The following EXOC4 variants were observed in gnomAD, a reference collection of about 807,000 sequenced individuals.
The protein encoded by EXOC4 is SEC8-like 1.
EXOC4 carries 71 observed loss-of-function variants against 107.2 expected under a neutral mutation model. The observed-to-expected ratio is 0.66, with a 90% CI of 0.55 to 0.81. The LOEUF is 0.81. EXOC4 is among the 30% of genes least tolerant of loss of function. The pLI, the probability that EXOC4 is intolerant of heterozygous loss-of-function variation, is 0.00. For synonymous variants in EXOC4, 456 were observed against 441.2 expected, an observed-to-expected ratio of 1.03 and a Z score of -0.42; for missense variants, 1,108 against 1,189.6, an observed-to-expected ratio of 0.93 and a Z score of 1.01.
intron 17 of EXOC4, among the ~76,000 whole-genome samples, chr7:134,046,681 T>C (rs1563103541): frequency 6.6e-6 from 1 of 152,092 alleles, no homozygotes; most frequent in Admixed American, 6.5e-5. Flanking sequence ...TCGTTAATGT[T>C]GGTTCCCAGG....
intron 10 of EXOC4, among the ~76,000 whole-genome samples, chr7:133,756,664 G>A (rs1042825237): frequency 3.9e-5 from 6 of 152,090 alleles, no homozygotes; most frequent in Non-Finnish European, 7.4e-5. Flanking sequence ...TTTGCCCTAA[G>A]CACAGGAAAG....
chr7:133,777,286 AGAGAGAGAGAGAG>A (rs374046159), intron 10 of EXOC4, among the ~76,000 whole-genome samples: 61,550 of 149,408 alleles, frequency 0.41, 13,204 homozygotes, highest in South Asian at 0.59. Context: ...AGAAAGAGAG[AGAGAGAGAGAGAG>A]AGAGAGAGAG....
chr7:133,917,793 T>C, intron 13 of EXOC4, 55 bp downstream of exon 13: 2 of 1,492,440 alleles, frequency 1.3e-6, no homozygotes, highest in East Asian at 4.6e-5. Context: ...CACATCTGTT[T>C]AGCTAATATT....
chr7:133,732,793 G>T, intron 10 of EXOC4: 1 of 166,736 alleles, frequency 6.0e-6, no homozygotes, highest in South Asian at 1.5e-4. Flanking sequence ...TTATCTCCTG[G>T]ATTTGGCAGA....
At chr7:133,779,401 G>T (rs988231046) in intron 10 of EXOC4, among the ~76,000 whole-genome samples, 1 of 152,082 alleles carries the variant, frequency 6.6e-6, no homozygotes, top group Non-Finnish European at 1.5e-5. Context: ...CAAAGAATAG[G>T]GTGGAAAGAA....
the EXOC4 span, among the ~76,000 whole-genome samples, chr7:134,075,299 C>G: frequency 2.0e-5 from 3 of 152,170 alleles, no homozygotes; most frequent in Non-Finnish European, 2.9e-5. Flanking sequence ...ATATCTTGCT[C>G]TCCCTCTTCC....
intron 10 of EXOC4, among the ~76,000 whole-genome samples, chr7:133,798,132 C>A (rs889861853): frequency 2.0e-5 from 3 of 152,078 alleles, no homozygotes; most frequent in Non-Finnish European, 2.9e-5. Context: ...GCCAGTCCTA[C>A]CACCAAGAAA....
intron 10 of EXOC4, among the ~76,000 whole-genome samples, chr7:133,777,771 G>T (rs1291182966): frequency 6.6e-6 from 1 of 152,160 alleles, no homozygotes; most frequent in Non-Finnish European, 1.5e-5. Context: ...GGATGATAAT[G>T]ATCAGTACCA....
At chr7:133,964,986 C>T (rs1801029613) in intron 14 of EXOC4, among the ~76,000 whole-genome samples, 1 of 152,182 alleles carries the variant, frequency 6.6e-6, no homozygotes, top group Non-Finnish European at 1.5e-5. Context: ...TCCCCTCCAG[C>T]ATCTGTTGTT....
At chr7:133,484,135 A>G (rs1372139264) in intron 9 of EXOC4, 5 of 1,609,844 alleles carry the variant, frequency 3.1e-6, no homozygotes, top group East Asian at 4.5e-5. Flanking sequence ...TTTTCAATTT[A>G]TCATACAATT....
chr7:134,082,211 G>T, the EXOC4 span, among the ~76,000 whole-genome samples: 1 of 152,060 alleles, frequency 6.6e-6, no homozygotes, highest in African/African-American at 2.4e-5. Context: ...TTGATTATAT[G>T]CTAAACAACG....
At chr7:133,702,443 A>G (rs1794687188) in intron 10 of EXOC4, among the ~76,000 whole-genome samples, 1 of 129,616 alleles carries the variant, frequency 7.7e-6, no homozygotes, top group African/African-American at 2.9e-5. Context: ...GGCTCAAGCA[A>G]TTCTCTCACC....
chr7:134,001,095 A>G (rs1423726090), intron 15 of EXOC4, among the ~76,000 whole-genome samples: 1 of 152,186 alleles, frequency 6.6e-6, no homozygotes, highest in African/African-American at 2.4e-5. Flanking sequence ...TTTGAAGCAT[A>G]AAGCAAATGA....
chr7:133,270,713 A>G (rs1562996016), intron 1 of EXOC4, among the ~76,000 whole-genome samples: 1 of 152,202 alleles, frequency 6.6e-6, no homozygotes, highest in Non-Finnish European at 1.5e-5. Flanking sequence ...GTCAGCTGGT[A>G]GAGCTCTGCA....
intron 10 of EXOC4, among the ~76,000 whole-genome samples, chr7:133,676,595 A>G (rs1794062363): frequency 6.6e-6 from 1 of 152,146 alleles, no homozygotes; most frequent in Non-Finnish European, 1.5e-5. Context: ...AGCATGTACA[A>G]AGTGGAAGGG....
At chr7:133,573,516 T>C (rs1476094815) in intron 9 of EXOC4, among the ~76,000 whole-genome samples, 1 of 152,158 alleles carries the variant, frequency 6.6e-6, no homozygotes, top group African/African-American at 2.4e-5. Flanking sequence ...GCAGCTTCTG[T>C]AATGGGGAGT....
chr7:133,562,208 T>C (rs1800818008), intron 9 of EXOC4, among the ~76,000 whole-genome samples: 1 of 152,226 alleles, frequency 6.6e-6, no homozygotes, highest in African/African-American at 2.4e-5. Flanking sequence ...AAGAAATAGC[T>C]GAACTTCTGT....
chr7:133,689,867 A>G (rs144830783), intron 10 of EXOC4, among the ~76,000 whole-genome samples: 65 of 152,314 alleles, frequency 4.3e-4, no homozygotes, highest in Middle Eastern at 3.4e-3. Flanking sequence ...TTTATTTGCA[A>G]TTTTAGAATC....
At chr7:133,406,182 G>T (rs1292725230) in intron 7 of EXOC4, among the ~76,000 whole-genome samples, 2 of 152,150 alleles carry the variant, frequency 1.3e-5, no homozygotes, top group East Asian at 3.8e-4. Context: ...GTAATTTGTA[G>T]AAAGTGACAT....
Sources: allele counts gnomAD v4.1 joint callset (sites outside exome capture counted in the v4.1 genomes callset), GRCh38; gene constraint gnomAD v4.1.1; transcripts MANE v1.5; gene names NCBI Gene and HGNC (gene_info 2026-07-23, HGNC 2026-07-21).